The following GTF3C3 variants were observed in gnomAD, a reference collection of about 807,000 sequenced individuals.
GTF3C3 encodes general transcription factor 3C polypeptide 3.
A neutral mutation model predicts 105.2 loss-of-function variants in GTF3C3; 75 were observed. The observed-to-expected ratio is 0.71, with a 90% CI of 0.59 to 0.86. The LOEUF is 0.86. Among genes scored for constraint, GTF3C3 ranks in the 40% least tolerant of loss-of-function variants. The probability of loss-of-function intolerance (pLI) is 0.00; values close to 1 mark genes in which losing one functional copy is unlikely to be tolerated. For synonymous variants in GTF3C3, 335 were observed against 370.4 expected (o/e 0.90, Z 1.10); for missense variants, 856 against 1,076.5 (o/e 0.80, Z 2.87).
At chr2:196,765,907 G>C (rs1443302908) in intron 17 of GTF3C3, among the ~76,000 whole-genome samples, 1 of 151,274 alleles carries the variant, frequency 6.6e-6, no homozygotes, top group Non-Finnish European at 1.5e-5. Context: ...CTACTCAGGA[G>C]GCTGAGGCAG....
intron 13 of GTF3C3, among the ~76,000 whole-genome samples, chr2:196,774,669 G>T (rs908907567): frequency 2.0e-5 from 3 of 152,142 alleles, no homozygotes; most frequent in African/African-American, 7.2e-5. Context: ...GGTAGAATCT[G>T]TAGTCTTTTA....
At chr2:196,796,184 T>C (rs1451014121) in intron 2 of GTF3C3, among the ~76,000 whole-genome samples, 2 of 152,216 alleles carry the variant, frequency 1.3e-5, no homozygotes, top group African/African-American at 4.8e-5. Context: ...AGAGTCTTGG[T>C]AGAGTTCTGG....
At position 196,776,739 on chromosome 2, in the gene GTF3C3, A is replaced by G. The variant is rs1242100451; in HGVS notation, c.1391-110T>C. 1.4e-6 allele frequency: 1 copy of G among 698,350 alleles called. No individual in the cohort carries two copies. The highest frequency in any genetic ancestry group is 1.8e-5 in the African/African-American group (1 of 55,370). 43.3% of individuals were successfully genotyped at this position (698,350 alleles called of 1,614,324 possible). A position where few individuals can be genotyped will look rare whatever the true frequency, so the allele number is the denominator to read the frequency against. On this transcript the variant is annotated intron_variant, in intron 10 of 17. Coordinates refer to ENST00000263956, the MANE Select transcript of GTF3C3 (RefSeq NM_012086.5). The surrounding 1 kb of genome is among the most constrained non-coding windows in gnomAD (Gnocchi z 4.5). ...TAGCAATATAAAAAATTATAACAAGAAATGAATGCGTATTTCTAGTACTTT... is the reference window on the plus strand; with the variant it reads ...TAGCAATATAAAAAATTATAACAAGGAATGAATGCGTATTTCTAGTACTTT...
At chr2:196,770,070 T>C (rs759222111) in intron 15 of GTF3C3, 31 bp from the exon 16 acceptor site, 1 of 1,470,574 alleles carries the variant, frequency 6.8e-7, no homozygotes, top group Non-Finnish European at 9.0e-7. Context: ...TCAGACGGTG[T>C]GACAAGAACA....
Position 196,776,056 on chromosome 2 carries a change from T to C in GTF3C3, c.1649A>G (p.Tyr550Cys). 6.2e-7 allele frequency: 1 copy of C among 1,600,074 alleles called. No homozygotes were observed. Among genetic ancestry groups the C allele is most frequent in the Non-Finnish European group, 8.5e-7 (1 of 1,172,504 alleles). ...STLLFSQGKM[Y>C]GYVDTLLTML... ...AGTAAGTAAGGTATCCACATAACCA[T>C]ACATTTTGCCTTGTGAAAACAACAG... is the stretch of plus-strand genomic sequence containing the variant. The change falls in exon 12 of 18, where the codon TAT (tyrosine) becomes TGT (cysteine). Residue 550 changes from tyrosine to cysteine, a missense_variant. This residue lies in a region of GTF3C3 where 605 missense variants were observed against 833.6 expected (regional missense o/e 0.73). Coordinates refer to ENST00000263956, the MANE Select transcript of GTF3C3 (RefSeq NM_012086.5). This position sits in a 1 kb window ranked among gnomAD's most constrained non-coding sequence, Gnocchi z 4.5.
intron 2 of GTF3C3, among the ~76,000 whole-genome samples, chr2:196,793,977 C>T (rs1699595733): frequency 6.6e-6 from 1 of 152,102 alleles, no homozygotes; most frequent in African/African-American, 2.4e-5. Flanking sequence ...ATTTAATCCC[C>T]AATGTGCGAA....
rs541761478 is a variant in GTF3C3, at chr2:196,765,820, T to C, written c.2538+745A>G. On this transcript the variant is annotated intron_variant, in intron 17 of 17. Coordinates refer to ENST00000263956, the MANE Select transcript of GTF3C3 (RefSeq NM_012086.5). ...GGTCAGGAGATCGAGACCATCCTGG[T>C]TAACATGGTGAAACCCCGTCTCTAC... 2.4e-3 allele frequency among the ~76,000 whole-genome samples: 370 copies of C among 151,284 alleles called. 4 individuals are homozygous for C. Among genetic ancestry groups the C allele is most frequent in the African/African-American group, 6.9e-3 (287 of 41,362 alleles).
chr2:196,796,344 T>A (rs528228103), intron 2 of GTF3C3, among the ~76,000 whole-genome samples: 3 of 152,206 alleles, frequency 2.0e-5, no homozygotes, highest in African/African-American at 4.8e-5. Flanking sequence ...GCCTGATGGC[T>A]AGCTTTTGGG....
intron 12 of GTF3C3, among the ~76,000 whole-genome samples, chr2:196,775,801 T>C (rs1033971851): frequency 1.3e-5 from 2 of 152,204 alleles, no homozygotes; most frequent in East Asian, 1.9e-4. Flanking sequence ...TTTCTAAATA[T>C]GTACTAGGGA....
chr2:196,781,369 T>C (rs1253408073), intron 8 of GTF3C3, among the ~76,000 whole-genome samples: 1 of 98,356 alleles, frequency 1.0e-5, no homozygotes, highest in African/African-American at 3.8e-5. Context: ...TATATATATA[T>C]ATATATATAT....
At chr2:196,794,781 C>A (rs1192128675) in intron 2 of GTF3C3, among the ~76,000 whole-genome samples, 1 of 151,662 alleles carries the variant, frequency 6.6e-6, no homozygotes, top group African/African-American at 2.4e-5. Context: ...GTCGCCCAGG[C>A]TGGAGTGCAG....
Position 196,763,801 on chromosome 2 carries a change from G to GTT in GTF3C3, c.*760_*761dup, listed in dbSNP as rs1332205397. 1 of 152,084 alleles carries GTT rather than the reference G, an allele frequency of 6.6e-6. No individual in the cohort carries two copies. Among genetic ancestry groups the GTT allele is most frequent in the African/African-American group, 2.4e-5 (1 of 41,416 alleles). 9.4% of individuals were successfully genotyped at this position (152,084 alleles called of 1,614,324 possible). A position where few individuals can be genotyped will look rare whatever the true frequency, so the allele number is the denominator to read the frequency against. On this transcript the variant is annotated 3_prime_UTR_variant, in exon 18 of 18. Coordinates refer to ENST00000263956, the MANE Select transcript of GTF3C3 (RefSeq NM_012086.5). ...AGATGAGTAAACAAACAAAAAAAAA[G>GTT]TTTTTTACTTTATCAATCAGCAGTA...
chr2:196,764,658 GT>G lies in GTF3C3; in HGVS notation c.2565del (p.Leu855PhefsTer63). On this transcript the variant is annotated frameshift_variant, in exon 18 of 18. Coordinates refer to ENST00000263956, the MANE Select transcript of GTF3C3 (RefSeq NM_012086.5). LOFTEE classifies it high-confidence loss of function. ...GACAAGTTGTAGGCAATATCTCTTC[GT>G]AAGTCTAACTGGTCAAGTTCTATAC... Reference protein sequence around the residue: ...VEGIELDQLDLRRDIAYNLSL... With the variant: ...VEGIELDQLDXRRDIAYNLSL... 1.2e-6 allele frequency: 2 copies of G among 1,611,504 alleles called. No homozygotes were observed. The highest frequency in any genetic ancestry group is 1.7e-6 in the Non-Finnish European group (2 of 1,177,756).
chr2:196,772,208 C>T (rs539871653), intron 14 of GTF3C3, among the ~76,000 whole-genome samples: 9 of 152,318 alleles, frequency 5.9e-5, no homozygotes, highest in African/African-American at 2.2e-4. Context: ...GTTTAGGTTT[C>T]ACTTTTTCTC....
rs143389567 is a variant in GTF3C3 at position 196,770,004 on chromosome 2, C to T, written c.2296G>A (p.Glu766Lys). The stretch of plus-strand genomic sequence containing the variant: ...CCTATACAGAAGCTATAGAGAGGTT[C>T]GTCAGGGTGAGTGCGAAAGGCTTGC... ...YVQAFRTHPD[E>K]PLYSFCIGLT... Residue 766 changes from glutamate to lysine, a missense_variant, in exon 16 of 18, where the codon GAA (glutamate) becomes AAA (lysine). By Grantham distance (56) the Glu-to-Lys change is moderately conservative (BLOSUM62 1). Transcript: ENST00000263956. 1.1e-4 allele frequency: 179 copies of T among 1,576,196 alleles called. 1 individual carries two copies. The highest frequency in any genetic ancestry group is 1.5e-4 in the Non-Finnish European group (172 of 1,166,844).
intron 2 of GTF3C3, among the ~76,000 whole-genome samples, chr2:196,797,010 C>T (rs918304730): frequency 6.6e-6 from 1 of 152,180 alleles, no homozygotes; most frequent in Non-Finnish European, 1.5e-5. Flanking sequence ...TGTCTGTTCT[C>T]TGTGTAAACA....
intron 8 of GTF3C3, among the ~76,000 whole-genome samples, chr2:196,782,642 G>A (rs536763596): frequency 2.0e-4 from 30 of 151,934 alleles, no homozygotes; most frequent in Non-Finnish European, 3.5e-4. Context: ...AAAAATAGGT[G>A]TCACAATCTC....
In GTF3C3 at chr2:196,775,399, G is replaced by A. The variant is rs377129908; in HGVS notation, c.1696-148C>T. 312 of 566,280 alleles carry A rather than the reference G, an allele frequency of 5.5e-4. 1 individual carries two copies. In the African/African-American group the frequency reaches 5.6e-3, roughly 10 times the overall value. The allele number at this position is 566,280 out of a possible 1,614,324, so 35.1% of individuals were successfully genotyped here. A position where few individuals can be genotyped will look rare whatever the true frequency, so the allele number is the denominator to read the frequency against. ...GCCTCGCAAGTAGCTGGGACCACAG[G>A]CACATGCCACCATACCCAGCTCTAA... On this transcript the variant is annotated intron_variant, in intron 12 of 17. Transcript: ENST00000263956.
At chr2:196,778,592 C>A in intron 10 of GTF3C3, 1 of 296,412 alleles carries the variant, frequency 3.4e-6, no homozygotes, top group Non-Finnish European at 6.3e-6. Flanking sequence ...TAGATTTTGC[C>A]CCAAGTCTGA....
Sources: allele counts gnomAD v4.1 joint callset (sites outside exome capture counted in the v4.1 genomes callset), GRCh38; gene constraint gnomAD v4.1.1; regional missense constraint gnomAD v4.1.1; non-coding constraint Gnocchi (gnomAD v3.1); transcripts MANE v1.5; gene names NCBI Gene and HGNC (gene_info 2026-07-23, HGNC 2026-07-21).